The following SLC12A3 variants were observed in gnomAD, a reference collection of about 807,000 sequenced individuals.
SLC12A3 encodes Na-Cl cotransporter.
SLC12A3 carries 104 observed loss-of-function variants against 121.0 expected under a neutral mutation model. The observed-to-expected ratio is 0.86, with a 90% CI of 0.73 to 1.01. The LOEUF (loss-of-function observed/expected upper bound fraction) is 1.01, where lower values mean the gene tolerates loss of function less well. SLC12A3 is among the 50% of genes least tolerant of loss of function. The pLI is 0.00. For synonymous variants in SLC12A3, 536 were observed against 533.4 expected (o/e 1.00, Z -0.07); for missense variants, 1,328 against 1,356.3 (o/e 0.98, Z 0.33).
chr16:56,894,480 C>A (rs758727169), intron 21 of SLC12A3, 51 bp from the exon 22 acceptor site: 1 of 1,321,714 alleles, frequency 7.6e-7, no homozygotes. Flanking sequence ...TCACATAGTG[C>A]TCTGTCCTGA....
At position 56,869,721 on chromosome 16, in the gene SLC12A3, C is replaced by T. The variant is rs765555468; in HGVS notation, c.506-8C>T. 7.5e-5 allele frequency: 121 copies of T among 1,613,358 alleles called. No homozygotes were observed. Among genetic ancestry groups the T allele is most frequent in the Non-Finnish European group, 1.4e-5 (17 of 1,179,446 alleles). Reference sequence around the variant, plus strand: ...ATGCCCTGCCTAAGCTTTGGGTGCCCCCTGCAGTCCTGACCTGGATCATCA... The same window carrying T: ...ATGCCCTGCCTAAGCTTTGGGTGCCTCCTGCAGTCCTGACCTGGATCATCA... On this transcript the variant is annotated splice_region_variant and splice_polypyrimidine_tract_variant and intron_variant, in intron 3 of 25. Coordinates refer to ENST00000563236, the MANE Select transcript of SLC12A3 (RefSeq NM_001126108.2).
intron 13 of SLC12A3, 92 bp downstream of exon 13, chr16:56,882,589 T>C: frequency 2.2e-6 from 2 of 927,374 alleles, no homozygotes; most frequent in Middle Eastern, 4.2e-4. Context: ...TGGGTGGAGG[T>C]TGGCAGCCCA....
intron 12 of SLC12A3, among the ~76,000 whole-genome samples, chr16:56,881,171 C>T (rs80180782): frequency 0.079 from 11,985 of 152,304 alleles, 595 homozygotes; most frequent in Middle Eastern, 0.11. Context: ...TCCCTGGGCT[C>T]ATGGGCACCC....
chr16:56,902,648 C>T lies in SLC12A3; in HGVS notation c.2856+140C>T. The T allele has an allele frequency of 5.7e-6, 6 of 1,050,136 alleles. 1 individual carries two copies. In the South Asian group the frequency reaches 8.3e-5, roughly 15 times the overall value. The allele number at this position is 1,050,136 out of a possible 1,614,324, so 65.1% of individuals were successfully genotyped here. ...TCCGGCCCCTGAGGTATCCTCAAGC[C>T]ACAGTCGTTCAGGCTGATGGGTAAC... On this transcript the variant is annotated intron_variant, in intron 24 of 25. Coordinates refer to ENST00000563236, the MANE Select transcript of SLC12A3 (RefSeq NM_001126108.2).
chr16:56,873,155 AG>A (rs1163691143), intron 8 of SLC12A3, among the ~76,000 whole-genome samples: 2 of 152,124 alleles, frequency 1.3e-5, no homozygotes, highest in African/African-American at 4.8e-5. Flanking sequence ...TGCTGCAGGC[AG>A]GCTTCTTGGC....
chr16:56,895,320 TA>T, intron 22 of SLC12A3, among the ~76,000 whole-genome samples: 1 of 150,036 alleles, frequency 6.7e-6, no homozygotes, highest in East Asian at 2.0e-4. Context: ...GCCTCCCTAG[TA>T]ACCAGGATTA....
At chr16:56,865,570 A>G in intron 1 of SLC12A3, 53 bp downstream of exon 1, 2 of 1,584,068 alleles carry the variant, frequency 1.3e-6, no homozygotes, top group Non-Finnish European at 8.6e-7. Context: ...ACCTCGACCC[A>G]GCTACCTAAC....
Position 56,887,991 on chromosome 16 carries a change from G to T in SLC12A3, c.2245G>T (p.Ala749Ser). ...VVGFKKNWQS[A>S]HPATVEDYIG... ...TGGGTTCAAGAAGAACTGGCAGTCG[G>T]CTCACCCGGCCACAGTGGAAGACTA... Residue 749 changes from alanine (A) to serine (S), a missense_variant, in exon 18 of 26, where the codon GCT becomes TCT. Transcript: ENST00000563236. 6.2e-7 allele frequency: 1 copy of T among 1,611,802 alleles called. No homozygotes were observed. Among genetic ancestry groups the T allele is most frequent in the Non-Finnish European group, 8.5e-7 (1 of 1,178,710 alleles).
Position 56,914,754 on chromosome 16 carries a change from G to T in SLC12A3, c.*1349G>T, listed in dbSNP as rs576426129. ...TCTAGTGGCAAGGGTAAGATTTCAG[G>T]CATGGTTAAGAACAGACGACAAGGA... On this transcript the variant is annotated 3_prime_UTR_variant, in exon 26 of 26. Coordinates refer to ENST00000563236, the MANE Select transcript of SLC12A3 (RefSeq NM_001126108.2). The T allele has an allele frequency of 6.6e-6, 1 of 152,494 alleles. No individual in the cohort carries two copies. The highest frequency in any genetic ancestry group is 2.1e-4 in the South Asian group (1 of 4,830). The allele number at this position is 152,494 out of a possible 1,614,324, so 9.4% of individuals were successfully genotyped here.
Position 56,890,299 on chromosome 16 carries a change from G to T in SLC12A3, c.2311G>T (p.Val771Leu). 6.2e-7 allele frequency: 1 copy of T among 1,614,138 alleles called. No homozygotes were observed. Among genetic ancestry groups the T allele is most frequent in the Non-Finnish European group, 8.5e-7 (1 of 1,179,998 alleles). Residue 771 changes from valine to leucine, a missense_variant, in exon 19 of 26, where the codon GTG (valine) becomes TTG (leucine). Transcript: ENST00000563236. ...TGATGCCTTTGATTTCAACTATGGC[G>T]TGTGTGTCATGAGGATGCGGGAGGG... ...LHDAFDFNYG[V>L]CVMRMREGLN... is the part of the protein sequence containing the mutation.
Position 56,870,253 on chromosome 16 carries a change from G to C in SLC12A3, c.741+18G>C, listed in dbSNP as rs1360114176. 3 of 1,610,662 alleles carry C rather than the reference G, an allele frequency of 1.9e-6. No homozygotes were observed. Among genetic ancestry groups the C allele is most frequent in the African/African-American group, 1.3e-5 (1 of 75,042 alleles). ...TGCTCCAGGTGAGGCCGGGGGGCTG[G>C]ACCCTGGGTAGAGGGATCCGGGCAG... On this transcript the variant is annotated intron_variant, in intron 5 of 25. Transcript: ENST00000563236.
chr16:56,882,044 G>A (rs1358319668), intron 12 of SLC12A3, among the ~76,000 whole-genome samples: 1 of 118,108 alleles, frequency 8.5e-6, no homozygotes, highest in Non-Finnish European at 1.7e-5. Flanking sequence ...GCGAGAGTCC[G>A]TCTCAAAAAA....
chr16:56,906,788 T>C, intron 25 of SLC12A3: 3 of 748,464 alleles, frequency 4.0e-6, no homozygotes, highest in Non-Finnish European at 6.7e-6. Flanking sequence ...CAAAGAAAAG[T>C]GAACCCAAAC....
At position 56,887,965 on chromosome 16, in the gene SLC12A3, T is replaced by C; in HGVS notation, c.2219T>C (p.Val740Ala). The change falls in exon 18 of 26, where the codon GTT becomes GCT. Residue 740 changes from valine to alanine, a missense_variant. Val to Ala is a moderately conservative substitution (Grantham distance 64, BLOSUM62 0). Transcript: ENST00000563236. ...AGAATGAAGCCCAACATTCTGGTGGTTGGGTTCAAGAAGAACTGGCAGTCG... is the reference window on the plus strand; with the variant it reads ...AGAATGAAGCCCAACATTCTGGTGGCTGGGTTCAAGAAGAACTGGCAGTCG... Reference protein sequence around the residue: ...LGRMKPNILVVGFKKNWQSAH... With the variant: ...LGRMKPNILVAGFKKNWQSAH... 1.2e-6 allele frequency: 2 copies of C among 1,612,838 alleles called. No individual in the cohort carries two copies. The highest frequency in any genetic ancestry group is 2.2e-5 in the South Asian group (2 of 91,070).
intron 22 of SLC12A3, among the ~76,000 whole-genome samples, chr16:56,897,087 A>T (rs1567444033): frequency 1.5e-5 from 2 of 132,028 alleles, no homozygotes; most frequent in Admixed American, 1.4e-4. Context: ...GCAAGACTCC[A>T]TCTCAAAAAA....
chr16:56,886,885 A>T, intron 16 of SLC12A3, 68 bp from the exon 17 acceptor site: 1 of 1,607,380 alleles, frequency 6.2e-7, no homozygotes, highest in Non-Finnish European at 8.5e-7. Flanking sequence ...CCAGGGCAGG[A>T]GAGGGGTTGA....
intron 16 of SLC12A3, among the ~76,000 whole-genome samples, chr16:56,886,709 C>T (rs1337819345): frequency 6.6e-6 from 1 of 152,120 alleles, no homozygotes; most frequent in Non-Finnish European, 1.5e-5. Context: ...ACCCCATTCT[C>T]TCCCCTTCCT....
chr16:56,886,806 C>T, intron 16 of SLC12A3, 147 bp from the exon 17 acceptor site: 1 of 1,070,732 alleles, frequency 9.3e-7, no homozygotes, highest in Non-Finnish European at 1.4e-6. Context: ...TCCCCCACTC[C>T]TTGTGTTTTC....
chr16:56,872,708 CT>C lies in SLC12A3; in HGVS notation c.1019del (p.Phe340SerfsTer30). ...VPDWRGPDGT[F>X]FGMFSIFFPS... ...CTGACTGGCGGGGTCCAGATGGCAC[CT>C]TCTTCGGAATGTTCTCCATCTTCTT... On this transcript the variant is annotated frameshift_variant, in exon 8 of 26. Coordinates refer to ENST00000563236, the MANE Select transcript of SLC12A3 (RefSeq NM_001126108.2). LOFTEE classifies it high-confidence loss of function. The C allele has an allele frequency of 6.2e-7, 1 of 1,614,256 alleles. No homozygotes were observed. The highest frequency in any genetic ancestry group is 1.3e-5 in the African/African-American group (1 of 75,072).
Sources: gnomAD v4.1 joint callset for allele counts (sites outside exome capture counted in the v4.1 genomes callset) on GRCh38, gnomAD v4.1.1 for gene constraint, MANE v1.5 for transcripts, NCBI Gene and HGNC (gene_info 2026-07-23, HGNC 2026-07-21) for gene names.